The following RARB variants were observed in gnomAD, a reference collection of about 807,000 sequenced individuals.
RARB encodes the protein retinoic acid receptor beta.
Under a neutral mutation model 51.9 loss-of-function variants are expected in RARB, and 17 were observed. That is an observed-to-expected ratio of 0.33 (90% CI 0.22 to 0.49). RARB has a LOEUF of 0.49. Among genes scored for constraint, RARB ranks in the 20% least tolerant of loss-of-function variants. The pLI, the probability that RARB is intolerant of heterozygous loss-of-function variation, is 0.99. For missense variants in RARB, 369 were observed against 550.8 expected (o/e 0.67, Z 3.30); for synonymous variants, 215 against 195.4 (o/e 1.10, Z -0.84).
chr3:25,068,133 C>CA lies in RARB; in HGVS notation c.-328+8000dup, dbSNP rs55826425. On this transcript the variant is annotated intron_variant, in intron 3 of 11. Transcript: ENST00000383772. ...TGGGCGACAGAGAGAGACTCCATCT[C>CA]AAAAAAAAAAAAAAAAAAAAAAAAA... Among the ~76,000 whole-genome samples, 48 of 33,266 alleles carry CA rather than the reference C, an allele frequency of 1.4e-3. 3 individuals are homozygous for CA. The highest frequency in any genetic ancestry group is 2.8e-3 in the East Asian group (2 of 702). 21.8% of individuals were successfully genotyped at this position (33,266 alleles called of 152,430 possible). A position where few individuals can be genotyped will look rare whatever the true frequency, so the allele number is the denominator to read the frequency against.
intron 2 of RARB, among the ~76,000 whole-genome samples, chr3:24,886,907 C>T (rs1031398257): frequency 6.6e-6 from 1 of 152,170 alleles, no homozygotes; most frequent in Non-Finnish European, 1.5e-5. Context: ...GTCTACAAAA[C>T]GTTTTGAATT....
intron 2 of RARB, among the ~76,000 whole-genome samples, chr3:25,494,280 T>C (rs2568878): frequency 0.41 from 49,582 of 120,940 alleles, 9,161 homozygotes; most frequent in African/African-American, 0.62. Context: ...CACACACACA[T>C]GCCATCATTT....
intron 5 of RARB, among the ~76,000 whole-genome samples, chr3:25,196,550 T>C (rs1701242894): frequency 6.6e-6 from 1 of 152,162 alleles, no homozygotes; most frequent in Non-Finnish European, 1.5e-5. Context: ...TGTGTCTTTA[T>C]AGCAACATGA....
intron 5 of RARB, among the ~76,000 whole-genome samples, chr3:25,376,465 C>T (rs17016320): frequency 0.035 from 5,300 of 152,248 alleles, 122 homozygotes; most frequent in Middle Eastern, 0.065. Context: ...CTTGTCTTGA[C>T]GTTACCTCAT....
intron 1 of RARB, among the ~76,000 whole-genome samples, chr3:24,833,791 C>T (rs1702310324): frequency 6.6e-6 from 1 of 152,222 alleles, no homozygotes; most frequent in Non-Finnish European, 1.5e-5. Flanking sequence ...CACAGGTAGA[C>T]CTGCCAGTAT....
At chr3:25,193,855 C>T (rs1391648156) in intron 5 of RARB, among the ~76,000 whole-genome samples, 1 of 151,898 alleles carries the variant, frequency 6.6e-6, no homozygotes, top group Admixed American at 6.6e-5. Flanking sequence ...ACTATACTGA[C>T]ACTCAGTTTC....
intron 3 of RARB, among the ~76,000 whole-genome samples, chr3:25,099,830 C>T (rs771005967): frequency 1.3e-4 from 20 of 152,126 alleles, no homozygotes; most frequent in Non-Finnish European, 2.8e-4. Flanking sequence ...TACCTCCATC[C>T]TGCTTTCCTT....
intron 5 of RARB, among the ~76,000 whole-genome samples, chr3:25,350,893 T>A (rs1174571955): frequency 6.6e-6 from 1 of 152,174 alleles, no homozygotes; most frequent in Non-Finnish European, 1.5e-5. Context: ...CCTCTGCCAG[T>A]TCCCATGGTG....
At chr3:25,385,406 G>A (rs1295204993) in intron 5 of RARB, among the ~76,000 whole-genome samples, 1 of 152,142 alleles carries the variant, frequency 6.6e-6, no homozygotes, top group African/African-American at 2.4e-5. Flanking sequence ...TGGACACTGG[G>A]TGTGATTACT....
chr3:25,195,415 A>T (rs1041764271), intron 5 of RARB, among the ~76,000 whole-genome samples: 1 of 152,046 alleles, frequency 6.6e-6, no homozygotes, highest in Non-Finnish European at 1.5e-5. Context: ...TTCAGCAGTA[A>T]CATGCTAAAG....
chr3:25,363,262 G>T (rs1490235885), intron 5 of RARB, among the ~76,000 whole-genome samples: 1 of 152,066 alleles, frequency 6.6e-6, no homozygotes, highest in Non-Finnish European at 1.5e-5. Context: ...TAGGCTGTGG[G>T]GCTAGTCTGA....
intron 5 of RARB, among the ~76,000 whole-genome samples, chr3:25,321,871 A>AG (rs922912800): frequency 5.5e-5 from 8 of 145,366 alleles, no homozygotes; most frequent in African/African-American, 2.1e-4. Context: ...CTAAAATTTA[A>AG]AAAAAAAAAA....
At chr3:25,141,906 G>T (rs76008954) in intron 4 of RARB, among the ~76,000 whole-genome samples, 111 of 152,248 alleles carry the variant, frequency 7.3e-4, no homozygotes, top group African/African-American at 2.6e-3. Context: ...CCAATTTCTC[G>T]GTTATAAGAT....
chr3:25,589,992 A>G (rs1701551208), intron 5 of RARB, among the ~76,000 whole-genome samples: 1 of 152,274 alleles, frequency 6.6e-6, no homozygotes, highest in African/African-American at 2.4e-5. Flanking sequence ...ACCAGCCGGA[A>G]GCAGTGAGAA....
intron 3 of RARB, among the ~76,000 whole-genome samples, chr3:25,099,620 A>G (rs1398576411): frequency 9.3e-5 from 14 of 151,110 alleles, no homozygotes; most frequent in African/African-American, 3.2e-4. Flanking sequence ...GGATTTAAAA[A>G]AAAAAAAAAA....
At chr3:25,445,116 A>AT in intron 1 of RARB, among the ~76,000 whole-genome samples, 1 of 151,992 alleles carries the variant, frequency 6.6e-6, no homozygotes, top group Non-Finnish European at 1.5e-5. Flanking sequence ...CACCTGGCTA[A>AT]TTTTTTGTAT....
intron 2 of RARB, among the ~76,000 whole-genome samples, chr3:24,936,457 A>G (rs1344383733): frequency 1.3e-5 from 2 of 152,208 alleles, no homozygotes; most frequent in Admixed American, 6.5e-5. Flanking sequence ...CATTTTTCAT[A>G]TTAGGTTAAC....
chr3:25,461,448 A>T, intron 2 of RARB, 107 bp downstream of exon 2: 2 of 1,274,700 alleles, frequency 1.6e-6, no homozygotes, highest in Non-Finnish European at 2.2e-6. Context: ...ATCACCTCCC[A>T]TAAGTGTGGT....
Position 25,449,900 on chromosome 3 carries a change from C to T in RARB, c.158-11293C>T, listed in dbSNP as rs765855657. Among the ~76,000 whole-genome samples, 5 of 151,962 alleles carry T rather than the reference C, an allele frequency of 3.3e-5. 1 individual carries two copies. The highest frequency in any genetic ancestry group is 7.3e-5 in the African/African-American group (3 of 41,366). ...CCGAGTAACTGAGATTACAGGCGCACGCCACCACAAATTTTTTTTGTGTGT... is the reference window on the plus strand; with the variant it reads ...CCGAGTAACTGAGATTACAGGCGCATGCCACCACAAATTTTTTTTGTGTGT... On this transcript the variant is annotated intron_variant, in intron 1 of 7. Transcript: ENST00000330688.
Sources: allele counts gnomAD v4.1 joint callset (sites outside exome capture counted in the v4.1 genomes callset), GRCh38; gene constraint gnomAD v4.1.1; transcripts MANE v1.5; gene names NCBI Gene and HGNC (gene_info 2026-07-23, HGNC 2026-07-21).